PCDHGA2: variants seen among roughly 807,000 people sequenced by gnomAD.
PCDHGA2 encodes the protein protocadherin gamma subfamily A, 2.
A neutral mutation model predicts 59.2 loss-of-function variants in PCDHGA2; 40 were observed. The observed-to-expected ratio is 0.68, with a 90% CI of 0.52 to 0.88. The LOEUF (loss-of-function observed/expected upper bound fraction) is 0.88, where lower values mean the gene tolerates loss of function less well. Among genes scored for constraint, PCDHGA2 ranks in the 40% least tolerant of loss-of-function variants. The probability of loss-of-function intolerance (pLI) is 0.00; values close to 1 mark genes in which losing one functional copy is unlikely to be tolerated. For synonymous variants in PCDHGA2, 560 were observed against 526.0 expected, an observed-to-expected ratio of 1.06 and a Z score of -0.89; for missense variants, 1,226 against 1,204.0, an observed-to-expected ratio of 1.02 and a Z score of -0.27.
At chr5:141,361,578 G>T in intron 1 of PCDHGA2, 3 of 1,614,036 alleles carry the variant, frequency 1.9e-6, no homozygotes, top group Non-Finnish European at 2.5e-6. Context: ...ACCCTGACTT[G>T]GGCCCCAGTG....
At chr5:141,414,897 C>G in intron 1 of PCDHGA2, 1 of 1,614,230 alleles carries the variant, frequency 6.2e-7, no homozygotes, top group Non-Finnish European at 8.5e-7. Flanking sequence ...TCCCCACAGA[C>G]GGTTCCACAG....
intron 1 of PCDHGA2, among the ~76,000 whole-genome samples, chr5:141,446,315 G>A (rs556077331): frequency 6.6e-6 from 1 of 152,188 alleles, no homozygotes; most frequent in East Asian, 1.9e-4. Context: ...TGATTCCTGG[G>A]TTTCCACATT....
chr5:141,410,201 A>G, intron 1 of PCDHGA2: 3 of 1,613,988 alleles, frequency 1.9e-6, no homozygotes, highest in Non-Finnish European at 2.5e-6. Context: ...CTTCGCAGAC[A>G]ACTTGCAAGA....
intron 1 of PCDHGA2, among the ~76,000 whole-genome samples, chr5:141,459,220 A>G (rs1234283814): frequency 6.6e-6 from 1 of 152,234 alleles, no homozygotes; most frequent in Non-Finnish European, 1.5e-5. Flanking sequence ...CTCCAGCTCC[A>G]GGCAACAACT....
chr5:141,339,728 G>A lies in PCDHGA2; in HGVS notation c.757G>A (p.Glu253Lys). The A allele has an allele frequency of 6.2e-7, 1 of 1,614,138 alleles. No individual in the cohort carries two copies. The highest frequency in any genetic ancestry group is 8.5e-7 in the Non-Finnish European group (1 of 1,180,000). Residue 253 changes from glutamate to lysine, a missense_variant, in exon 1 of 4, where the codon GAG (glutamate) becomes AAG (lysine). Glu to Lys is a moderately conservative substitution (Grantham distance 56). Coordinates refer to ENST00000394576, the MANE Select transcript of PCDHGA2 (RefSeq NM_018915.4). ...TQPEYRISIP[E>K]NTLVGTRILT... ...GCCCGAGTACCGCATAAGCATTCCG[G>A]AGAATACGCTCGTGGGCACCCGGAT...
chr5:141,362,593 A>T, intron 1 of PCDHGA2: 1 of 1,589,406 alleles, frequency 6.3e-7, no homozygotes, highest in South Asian at 1.1e-5. Flanking sequence ...TTCTGGTTTT[A>T]TTGTTTCACC....
At chr5:141,474,847 GC>G (rs1357496937) in intron 1 of PCDHGA2, among the ~76,000 whole-genome samples, 1 of 152,198 alleles carries the variant, frequency 6.6e-6, no homozygotes, top group East Asian at 1.9e-4. Context: ...CACTTTACCT[GC>G]CTTCTTCATT....
chr5:141,356,809 A>T, intron 1 of PCDHGA2: 1 of 1,614,080 alleles, frequency 6.2e-7, no homozygotes, highest in Non-Finnish European at 8.5e-7. Flanking sequence ...AGCCAGTGAC[A>T]GTGGAGACCC....
At position 141,361,017 on chromosome 5, in the gene PCDHGA2, A is replaced by G. The variant is rs767981942; in HGVS notation, c.2424+19622A>G. 1.9e-6 allele frequency: 3 copies of G among 1,613,324 alleles called. No individual in the cohort carries two copies. The Admixed American group carries it at 5.0e-5, about 27-fold the overall frequency. On this transcript the variant is annotated intron_variant, in intron 1 of 3. Transcript: ENST00000394576. ...AACAAGTGAAACACTTTTTCAACTTAAATGAAAAAACAGGAGAAATCACGA... is the reference window on the plus strand; with the variant it reads ...AACAAGTGAAACACTTTTTCAACTTGAATGAAAAAACAGGAGAAATCACGA...
chr5:141,502,179 A>G (rs1403845758), intron 2 of PCDHGA2, among the ~76,000 whole-genome samples: 2 of 152,218 alleles, frequency 1.3e-5, no homozygotes, highest in Non-Finnish European at 2.9e-5. Context: ...GGAATTTAAC[A>G]TTAATACAAT....
rs143083513 is a variant in PCDHGA2 at position 141,431,088 on chromosome 5, T to C, written c.2425-63719T>C. On this transcript the variant is annotated intron_variant, in intron 1 of 3. Coordinates refer to ENST00000394576, the MANE Select transcript of PCDHGA2 (RefSeq NM_018915.4). This position sits in a 1 kb window ranked among gnomAD's most constrained non-coding sequence, Gnocchi z 4.8. The stretch of plus-strand genomic sequence containing the variant: ...TGTCAATTAAATCTAGACATTCTGA[T>C]GGAGGATAAAGTGAAAATATATGGA... 106 of 1,614,180 alleles carry C rather than the reference T, an allele frequency of 6.6e-5. 1 individual carries two copies. The highest frequency in any genetic ancestry group is 3.1e-4 in the East Asian group (14 of 44,890).
chr5:141,401,096 C>A (rs1193628525), intron 1 of PCDHGA2, among the ~76,000 whole-genome samples: 1 of 152,160 alleles, frequency 6.6e-6, no homozygotes, highest in Non-Finnish European at 1.5e-5. Context: ...GTAATCCCAG[C>A]ACTTTGGGAG....
At chr5:141,447,656 C>T (rs1352103605) in intron 1 of PCDHGA2, among the ~76,000 whole-genome samples, 1 of 152,056 alleles carries the variant, frequency 6.6e-6, no homozygotes, top group Non-Finnish European at 1.5e-5. Flanking sequence ...ATTTTCCCCC[C>T]CAGGAAGTTA....
intron 1 of PCDHGA2, chr5:141,421,585 G>A: frequency 1.2e-6 from 2 of 1,613,916 alleles, no homozygotes; most frequent in Non-Finnish European, 1.7e-6. Context: ...GATTTACGGA[G>A]TGGAGGTGGA....
intron 3 of PCDHGA2, among the ~76,000 whole-genome samples, chr5:141,509,841 C>T (rs546036990): frequency 2.0e-5 from 3 of 152,326 alleles, no homozygotes; most frequent in African/African-American, 7.2e-5. Context: ...ACCTCCCATT[C>T]ACTCAGAACA....
intron 1 of PCDHGA2, chr5:141,376,100 G>C (rs772318189): frequency 8.7e-6 from 14 of 1,613,632 alleles, no homozygotes; most frequent in Non-Finnish European, 1.2e-5. Context: ...CGACATCCTG[G>C]CCGACCTGGG....
At chr5:141,374,753 A>C in intron 1 of PCDHGA2, 1 of 1,612,912 alleles carries the variant, frequency 6.2e-7, no homozygotes, top group Admixed American at 1.7e-5. Context: ...TGTCCGCTCA[A>C]GCGTCGCCCA....
intron 1 of PCDHGA2, among the ~76,000 whole-genome samples, chr5:141,364,017 G>C (rs535899523): frequency 1.3e-5 from 2 of 152,304 alleles, no homozygotes; most frequent in South Asian, 2.1e-4. Context: ...ACGCTACACA[G>C]TTAAACATTA....
In PCDHGA2 at chr5:141,430,673, C is replaced by T. The variant is rs183365013; in HGVS notation, c.2425-64134C>T. 1.5e-4 allele frequency: 198 copies of T among 1,288,318 alleles called. 2 individuals are homozygous for T. In the African/African-American group the frequency reaches 2.8e-3, roughly 18 times the overall value. The allele number at this position is 1,288,318 out of a possible 1,614,324, so 79.8% of individuals were successfully genotyped here. On this transcript the variant is annotated intron_variant, in intron 1 of 3. Coordinates refer to ENST00000394576, the MANE Select transcript of PCDHGA2 (RefSeq NM_018915.4). Reference sequence around the variant, plus strand: ...AAACAACGGAGGAGCTCTGACTTCCCAACTGTCCCATTCTATGGGCGAAGG... The same window carrying T: ...AAACAACGGAGGAGCTCTGACTTCCTAACTGTCCCATTCTATGGGCGAAGG...
Sources: gnomAD v4.1 joint callset for allele counts (sites outside exome capture counted in the v4.1 genomes callset) on GRCh38, gnomAD v4.1.1 for gene constraint, Gnocchi (gnomAD v3.1) non-coding constraint, MANE v1.5 for transcripts, NCBI Gene and HGNC (gene_info 2026-07-23, HGNC 2026-07-21) for gene names.